PTPRD: variants seen among roughly 807,000 people sequenced by gnomAD.
PTPRD encodes protein tyrosine phosphatase receptor type D.
Under a neutral mutation model 214.5 loss-of-function variants are expected in PTPRD, and 34 were observed. The observed-to-expected ratio is 0.16, with a 90% CI of 0.12 to 0.21. The LOEUF (loss-of-function observed/expected upper bound fraction) is 0.21, where lower values mean the gene tolerates loss of function less well. PTPRD is among the 10% of genes least tolerant of loss of function. The pLI, the probability that PTPRD is intolerant of heterozygous loss-of-function variation, is 1.00. For synonymous variants in PTPRD, 1,128 were observed against 845.7 expected (o/e 1.33, Z -5.79); for missense variants, 2,545 against 2,398.7 (o/e 1.06, Z -1.27).
In PTPRD at chr9:9,954,608, C is replaced by G. The variant is rs181916476; in HGVS notation, c.-471-15998G>C. On this transcript the variant is annotated intron_variant, in intron 4 of 45. Coordinates refer to ENST00000381196, the MANE Select transcript of PTPRD (RefSeq NM_002839.4). ...TATGAGAGCACAATTAATATAAAAT[C>G]CATGAATATTAACTAGTTTTCTTTT... Among the ~76,000 whole-genome samples the G allele has an allele frequency of 1.8e-4, 27 of 151,884 alleles. No homozygotes were observed. In the East Asian group the frequency reaches 3.7e-3, roughly 21 times the overall value.
intron 3 of PTPRD, among the ~76,000 whole-genome samples, chr9:10,113,869 A>G (rs2098710466): frequency 1.3e-5 from 2 of 152,186 alleles, no homozygotes; most frequent in South Asian, 4.1e-4. Flanking sequence ...ATTAGCAAGA[A>G]TCTGGGAAAA....
intron 8 of PTPRD, among the ~76,000 whole-genome samples, chr9:9,475,022 A>G (rs2094922679): frequency 6.6e-6 from 1 of 152,158 alleles, no homozygotes; most frequent in Non-Finnish European, 1.5e-5. Flanking sequence ...GATGAAGTAC[A>G]GGCTTTTAAA....
intron 3 of PTPRD, among the ~76,000 whole-genome samples, chr9:10,102,523 T>C (rs1256781986): frequency 6.6e-6 from 1 of 151,542 alleles, no homozygotes; most frequent in Non-Finnish European, 1.5e-5. Flanking sequence ...CTACCATCCC[T>C]TGCTGGATTA....
intron 11 of PTPRD, among the ~76,000 whole-genome samples, chr9:8,954,959 T>C (rs1455715301): frequency 1.3e-5 from 2 of 151,954 alleles, no homozygotes; most frequent in Non-Finnish European, 2.9e-5. Flanking sequence ...CTCAGATTCA[T>C]CTTCTGTAGT....
rs372469660 is a variant in PTPRD, at chr9:10,008,752, A to G, written c.-472+24966T>C. ...TATTAGGAATAAAGCTTTCCCTATA[A>G]GTTTAAAAAGATCATGATACTTCAA... is the stretch of plus-strand genomic sequence containing the variant. On this transcript the variant is annotated intron_variant, in intron 4 of 45. Coordinates refer to ENST00000381196, the MANE Select transcript of PTPRD (RefSeq NM_002839.4). 3.8e-4 allele frequency among the ~76,000 whole-genome samples: 58 copies of G among 152,112 alleles called. 1 individual carries two copies. The South Asian group carries it at 0.012, about 31-fold the overall frequency.
At chr9:8,499,881 G>C (rs756009540) in intron 24 of PTPRD, 41 bp from the exon 25 acceptor site, 1 of 1,533,474 alleles carries the variant, frequency 6.5e-7, no homozygotes, top group Middle Eastern at 1.7e-4. Flanking sequence ...ATAGGCACTT[G>C]TCCCACCCTA....
intron 12 of PTPRD, among the ~76,000 whole-genome samples, chr9:8,654,199 C>A (rs2096866571): frequency 6.6e-6 from 1 of 152,168 alleles, no homozygotes; most frequent in African/African-American, 2.4e-5. Flanking sequence ...CTCAAGAAAC[C>A]ACAGGATGGT....
At chr9:9,955,310 G>C (rs563209811) in intron 4 of PTPRD, among the ~76,000 whole-genome samples, 1 of 152,100 alleles carries the variant, frequency 6.6e-6, no homozygotes, top group South Asian at 2.1e-4. Flanking sequence ...GGAACCACAA[G>C]AACATAAAGC....
At chr9:9,317,065 A>G (rs1281571730) in intron 9 of PTPRD, among the ~76,000 whole-genome samples, 1 of 152,178 alleles carries the variant, frequency 6.6e-6, no homozygotes, top group Non-Finnish European at 1.5e-5. Flanking sequence ...CTGATCTAGA[A>G]GCTTGTTTCA....
At chr9:9,635,613 T>C (rs546136504) in intron 7 of PTPRD, among the ~76,000 whole-genome samples, 161 of 152,318 alleles carry the variant, frequency 1.1e-3, no homozygotes, top group African/African-American at 3.8e-3. Context: ...GCAGTACTCC[T>C]GTAACCTGTC....
intron 12 of PTPRD, among the ~76,000 whole-genome samples, chr9:8,654,209 T>C (rs978775095): frequency 2.6e-5 from 4 of 152,172 alleles, no homozygotes; most frequent in South Asian, 2.1e-4. Flanking sequence ...CACAGGATGG[T>C]TGGTCACCCT....
intron 3 of PTPRD, among the ~76,000 whole-genome samples, chr9:10,302,042 A>G (rs904606064): frequency 2.6e-5 from 4 of 152,216 alleles, no homozygotes; most frequent in African/African-American, 9.7e-5. Context: ...TTACCCACAA[A>G]GGGAAGCCCA....
chr9:9,493,597 G>A (rs2096021494), intron 8 of PTPRD, among the ~76,000 whole-genome samples: 1 of 151,868 alleles, frequency 6.6e-6, no homozygotes, highest in Admixed American at 6.6e-5. Context: ...GACCATTCTG[G>A]CTAACACGGT....
chr9:10,339,459 G>C (rs1051866474), intron 3 of PTPRD, among the ~76,000 whole-genome samples: 2 of 151,584 alleles, frequency 1.3e-5, no homozygotes, highest in Non-Finnish European at 3.0e-5. Flanking sequence ...AGCACAAAAA[G>C]CATTTTCACT....
At chr9:9,977,571 T>G (rs1408441499) in intron 4 of PTPRD, among the ~76,000 whole-genome samples, 1 of 152,144 alleles carries the variant, frequency 6.6e-6, no homozygotes, top group African/African-American at 2.4e-5. Context: ...TCCAAGCCTT[T>G]GTTCAAAAAT....
At chr9:10,596,622 T>C (rs2076681785) in intron 2 of PTPRD, among the ~76,000 whole-genome samples, 1 of 151,678 alleles carries the variant, frequency 6.6e-6, no homozygotes, top group Admixed American at 6.6e-5. Context: ...GGGAATTAAA[T>C]AAGTTAACCC....
At chr9:9,739,572 A>C (rs1452114687) in intron 6 of PTPRD, among the ~76,000 whole-genome samples, 1 of 151,788 alleles carries the variant, frequency 6.6e-6, no homozygotes, top group Non-Finnish European at 1.5e-5. Flanking sequence ...CTTTCCTTGA[A>C]TCCTCTATTT....
rs116081142 is a variant in PTPRD at position 9,895,702 on chromosome 9, T to A, written c.-368+42805A>T. ...ATGGCAACTATAGTCAACAATATAT[T>A]CTTGAAAAATGGTAAGAATGAGCAA... On this transcript the variant is annotated intron_variant, in intron 5 of 45. Coordinates refer to ENST00000381196, the MANE Select transcript of PTPRD (RefSeq NM_002839.4). Among the ~76,000 whole-genome samples, 718 of 152,152 alleles carry A rather than the reference T, an allele frequency of 4.7e-3. 8 individuals are homozygous for A. Among genetic ancestry groups the A allele is most frequent in the African/African-American group, 0.016 (680 of 41,534 alleles).
At chr9:9,022,171 T>A (rs75045973) in intron 10 of PTPRD, among the ~76,000 whole-genome samples, 4 of 95,124 alleles carry the variant, frequency 4.2e-5, no homozygotes, top group Non-Finnish European at 7.4e-5. Context: ...TAAAAAAAAA[T>A]GTTAGCTTAC....
Sources: gnomAD v4.1 joint callset for allele counts (sites outside exome capture counted in the v4.1 genomes callset) on GRCh38, gnomAD v4.1.1 for gene constraint, MANE v1.5 for transcripts, NCBI Gene and HGNC (gene_info 2026-07-23, HGNC 2026-07-21) for gene names.